Variants in SERPINB7 observed in about 807,000 individuals in gnomAD.
SERPINB7 encodes the protein serpin B7.
In SERPINB7, 31 loss-of-function variants were observed where a neutral mutation model predicts 37.4. The ratio of observed to expected loss-of-function variants is 0.83; its 90% CI spans 0.62 to 1.12. The LOEUF is 1.12. SERPINB7 is among the 50% of genes most tolerant of loss of function. The pLI, the probability that SERPINB7 is intolerant of heterozygous loss-of-function variation, is 0.00. For missense variants in SERPINB7, 521 were observed against 455.3 expected (o/e 1.14, Z -1.31); for synonymous variants, 163 against 166.1 (o/e 0.98, Z 0.14).
At chr18:63,766,621 A>G (rs2049182189) in intron 1 of SERPINB7, among the ~76,000 whole-genome samples, 1 of 152,040 alleles carries the variant, frequency 6.6e-6, no homozygotes. Context: ...TTCTTCTGAA[A>G]TTGTCTTTCT....
chr18:63,786,551 C>T (rs956456189), intron 2 of SERPINB7, among the ~76,000 whole-genome samples: 34 of 151,904 alleles, frequency 2.2e-4, no homozygotes, highest in Admixed American at 6.6e-4. Flanking sequence ...CTCTCTAAGA[C>T]GAAATAATAG....
At chr18:63,794,695 A>C (rs1320236776) in intron 4 of SERPINB7, among the ~76,000 whole-genome samples, 1 of 147,654 alleles carries the variant, frequency 6.8e-6, no homozygotes. Context: ...GTCTCAAAAA[A>C]CAAAAAACAA....
chr18:63,774,562 C>A (rs1340826952), upstream of SERPINB7, among the ~76,000 whole-genome samples: 1 of 151,392 alleles, frequency 6.6e-6, no homozygotes, highest in Non-Finnish European at 1.5e-5. Flanking sequence ...TGTAGGCAAC[C>A]AACTGGGCCC....
At chr18:63,769,950 C>T (rs142318777) in intron 1 of SERPINB7, among the ~76,000 whole-genome samples, 115 of 151,304 alleles carry the variant, frequency 7.6e-4, no homozygotes, top group Middle Eastern at 3.4e-3. Context: ...CAGGATCCCA[C>T]CTCACGACTT....
intron 2 of SERPINB7, 150 bp from the exon 3 acceptor site, chr18:63,792,243 T>G: frequency 1.8e-6 from 1 of 549,084 alleles, no homozygotes; most frequent in Non-Finnish European, 3.2e-6. Context: ...TTCAGAGTCA[T>G]GGGGAGAATC....
At chr18:63,760,574 T>C (rs1267487373) in intron 1 of SERPINB7, among the ~76,000 whole-genome samples, 4 of 152,188 alleles carry the variant, frequency 2.6e-5, no homozygotes, top group African/African-American at 7.2e-5. Context: ...GAGACCTTCA[T>C]GGTGGCCCCT....
intron 2 of SERPINB7, among the ~76,000 whole-genome samples, chr18:63,785,793 T>C (rs902405433): frequency 3.3e-5 from 5 of 150,898 alleles, no homozygotes; most frequent in African/African-American, 1.2e-4. Context: ...CTTATAGTGT[T>C]TGAATATAAA....
intron 2 of SERPINB7, among the ~76,000 whole-genome samples, chr18:63,783,941 T>C (rs1617061): frequency 0.11 from 16,564 of 152,218 alleles, 1,489 homozygotes; most frequent in East Asian, 0.44. Flanking sequence ...AAATATTAAT[T>C]GCTAGAGAAC....
At chr18:63,798,425 T>G (rs2049510799) in intron 5 of SERPINB7, among the ~76,000 whole-genome samples, 179 bp from the exon 6 acceptor site, 1 of 152,200 alleles carries the variant, frequency 6.6e-6, no homozygotes, top group Non-Finnish European at 1.5e-5. Context: ...AAACCAAAGA[T>G]TGCCTTTAAA....
chr18:63,770,170 G>A (rs1201474180), intron 1 of SERPINB7, among the ~76,000 whole-genome samples: 2 of 150,808 alleles, frequency 1.3e-5, no homozygotes, highest in Admixed American at 1.3e-4. Context: ...TCTGCTTGTA[G>A]TGGGGTTATT....
At chr18:63,789,449 T>TTA (rs375690207) in intron 2 of SERPINB7, among the ~76,000 whole-genome samples, 280 of 152,338 alleles carry the variant, frequency 1.8e-3, no homozygotes, top group African/African-American at 6.4e-3. Context: ...ATTTCCTTTC[T>TTA]TATAGTAGTC....
intron 6 of SERPINB7, among the ~76,000 whole-genome samples, chr18:63,800,059 ATT>A (rs11347836): frequency 2.0e-4 from 29 of 143,692 alleles, no homozygotes; most frequent in East Asian, 8.1e-4. Flanking sequence ...TAAATAGCGT[ATT>A]TTTTTTTTTT....
chr18:63,786,087 CAT>C (rs1555694548), intron 2 of SERPINB7, among the ~76,000 whole-genome samples: 2 of 104,122 alleles, frequency 1.9e-5, no homozygotes, highest in Non-Finnish European at 3.4e-5. Flanking sequence ...TACATATATA[CAT>C]ATAATATAAG....
chr18:63,786,990 C>G (rs923067447), intron 2 of SERPINB7, among the ~76,000 whole-genome samples: 10 of 151,946 alleles, frequency 6.6e-5, no homozygotes, highest in African/African-American at 2.4e-4. Context: ...TAGATTTCAG[C>G]AAGTTTGTTT....
intron 6 of SERPINB7, among the ~76,000 whole-genome samples, chr18:63,800,389 G>C (rs916906765): frequency 3.3e-5 from 5 of 151,640 alleles, no homozygotes; most frequent in South Asian, 2.1e-4. Flanking sequence ...GTTAGTACTA[G>C]TCTGTGTTTT....
chr18:63,798,240 A>T (rs887793842), intron 5 of SERPINB7, among the ~76,000 whole-genome samples: 1 of 152,216 alleles, frequency 6.6e-6, no homozygotes, highest in Non-Finnish European at 1.5e-5. Flanking sequence ...GGCCTAGTCA[A>T]TGCAGTAAAG....
chr18:63,764,283 C>T (rs947146432), intron 1 of SERPINB7, among the ~76,000 whole-genome samples: 8 of 152,224 alleles, frequency 5.3e-5, no homozygotes, highest in African/African-American at 1.9e-4. Context: ...CTCTACTGTT[C>T]TGTGGGCCTT....
intron 1 of SERPINB7, among the ~76,000 whole-genome samples, chr18:63,758,507 C>G (rs529163206): frequency 6.6e-6 from 1 of 152,264 alleles, no homozygotes; most frequent in East Asian, 1.9e-4. Flanking sequence ...GAAACTGGTT[C>G]TAAATAAGAA....
At chr18:63,801,361 A>G (rs1004633152) in intron 7 of SERPINB7, among the ~76,000 whole-genome samples, 1 of 152,172 alleles carries the variant, frequency 6.6e-6, no homozygotes, top group Non-Finnish European at 1.5e-5. Context: ...TAGACTGAGC[A>G]TCTTTAGGCA....
Sources: gnomAD v4.1 joint callset for allele counts (sites outside exome capture counted in the v4.1 genomes callset) on GRCh38, gnomAD v4.1.1 for gene constraint, MANE v1.5 for transcripts, NCBI Gene and HGNC (gene_info 2026-07-23, HGNC 2026-07-21) for gene names.